STX8: variants seen among roughly 807,000 people sequenced by gnomAD.
STX8 encodes the protein syntaxin-8.
In STX8, 23 loss-of-function variants were observed where a neutral mutation model predicts 37.5. That is an observed-to-expected ratio of 0.61 (90% CI 0.44 to 0.87). The LOEUF (loss-of-function observed/expected upper bound fraction) is 0.87, where lower values mean the gene tolerates loss of function less well. STX8 is among the 40% of genes least tolerant of loss of function. The probability of loss-of-function intolerance (pLI) is 0.00; values close to 1 mark genes in which losing one functional copy is unlikely to be tolerated. For synonymous variants in STX8, 115 were observed against 99.1 expected (o/e 1.16, Z -0.95); for missense variants, 313 against 284.7 (o/e 1.10, Z -0.71).
rs542253198 is a variant in STX8, at chr17:9,489,079, G to A, written c.541+2750C>T. 1.1e-3 allele frequency among the ~76,000 whole-genome samples: 169 copies of A among 152,238 alleles called. 1 individual carries two copies. Among genetic ancestry groups the A allele is most frequent in the African/African-American group, 4.0e-3 (165 of 41,556 alleles). On this transcript the variant is annotated intron_variant, in intron 6 of 7. Transcript: ENST00000306357. The stretch of plus-strand genomic sequence containing the variant: ...TTTAGTACAGGTGGGGTTTTACCAC[G>A]TTGGCCAGGCTGGTCTCGAACTCCT...
chr17:9,484,578 G>A (rs1173870796), intron 6 of STX8, among the ~76,000 whole-genome samples: 1 of 151,622 alleles, frequency 6.6e-6, no homozygotes, highest in East Asian at 1.9e-4. Flanking sequence ...CACTTTGGAA[G>A]GCTGAGGTGG....
intron 7 of STX8, among the ~76,000 whole-genome samples, chr17:9,362,842 AAT>A (rs1567798049): frequency 7.7e-5 from 11 of 142,054 alleles, no homozygotes; most frequent in South Asian, 2.1e-4. Flanking sequence ...AAAAAAAAAA[AAT>A]AAATAAATAA....
chr17:9,495,194 C>G (rs187866412), intron 5 of STX8, among the ~76,000 whole-genome samples: 49 of 152,198 alleles, frequency 3.2e-4, no homozygotes, highest in African/African-American at 1.1e-3. Context: ...CTTTTTTTAA[C>G]TATACAAATG....
At chr17:9,361,074 C>T (rs994753435) in intron 7 of STX8, among the ~76,000 whole-genome samples, 8 of 152,028 alleles carry the variant, frequency 5.3e-5, no homozygotes, top group South Asian at 2.1e-4. Flanking sequence ...AGGAATTTAA[C>T]GCTGGTTCAA....
intron 5 of STX8, among the ~76,000 whole-genome samples, chr17:9,500,358 G>C (rs1055151927): frequency 6.6e-6 from 1 of 152,172 alleles, no homozygotes; most frequent in Non-Finnish European, 1.5e-5. Context: ...TGAGAGACGG[G>C]AAACAAATGA....
rs118157358 is a variant in STX8 at position 9,305,905 on chromosome 17, C to T, written c.644-55260G>A. Among the ~76,000 whole-genome samples the T allele has an allele frequency of 8.0e-3, 1,209 of 151,560 alleles. 7 individuals carry two copies. The highest frequency in any genetic ancestry group is 0.013 in the Non-Finnish European group (850 of 67,848). On this transcript the variant is annotated intron_variant, in intron 7 of 7. Coordinates refer to ENST00000306357, the MANE Select transcript of STX8 (RefSeq NM_004853.3). ...GATTACAGATGCGCACCACCATTCC[C>T]GGCTAATTTTTGTATTTTTAGAAGA...
intron 4 of STX8, among the ~76,000 whole-genome samples, chr17:9,535,733 C>T (rs1906021650): frequency 6.6e-6 from 1 of 152,036 alleles, no homozygotes; most frequent in Non-Finnish European, 1.5e-5. Flanking sequence ...TGCCCATCCT[C>T]CAGCCATCCT....
chr17:9,428,536 G>A (rs772916444), intron 6 of STX8, among the ~76,000 whole-genome samples: 18 of 152,166 alleles, frequency 1.2e-4, no homozygotes, highest in South Asian at 2.1e-4. Context: ...CACCCCGTCC[G>A]GCAAAGAAAT....
Position 9,376,393 on chromosome 17 carries a change from C to A in STX8, c.643+2159G>T, listed in dbSNP as rs565281614. On this transcript the variant is annotated intron_variant, in intron 7 of 7. Coordinates refer to ENST00000306357, the MANE Select transcript of STX8 (RefSeq NM_004853.3). Reference sequence around the variant, plus strand: ...TCTAGCTTAAGGTTTGTAAACGCACCAATCAGCACTCTGTAAAAATAGACC... The same window carrying A: ...TCTAGCTTAAGGTTTGTAAACGCACAAATCAGCACTCTGTAAAAATAGACC... Among the ~76,000 whole-genome samples, 3 of 152,138 alleles carry A rather than the reference C, an allele frequency of 2.0e-5. No individual in the cohort carries two copies. In the South Asian group the frequency reaches 6.2e-4, roughly 31 times the overall value.
chr17:9,457,332 C>T (rs967544813), intron 6 of STX8, among the ~76,000 whole-genome samples: 3 of 152,200 alleles, frequency 2.0e-5, no homozygotes, highest in Non-Finnish European at 4.4e-5. Context: ...GCCTTTCCAG[C>T]TTCTAGGGGC....
At chr17:9,535,649 G>C (rs954865823) in intron 4 of STX8, among the ~76,000 whole-genome samples, 2 of 151,762 alleles carry the variant, frequency 1.3e-5, no homozygotes, top group Non-Finnish European at 2.9e-5. Context: ...AGCCAGGATG[G>C]TCTCAATCTC....
At chr17:9,394,339 G>C (rs1912324758) in intron 6 of STX8, among the ~76,000 whole-genome samples, 1 of 152,002 alleles carries the variant, frequency 6.6e-6, no homozygotes, top group Admixed American at 6.6e-5. Flanking sequence ...GTCTGGACTA[G>C]TGTATTACCA....
intron 6 of STX8, among the ~76,000 whole-genome samples, chr17:9,456,499 T>C (rs1490592921): frequency 6.6e-6 from 1 of 152,196 alleles, no homozygotes; most frequent in African/African-American, 2.4e-5. Flanking sequence ...CAACATTTGC[T>C]TCAAGCCAGT....
intron 6 of STX8, among the ~76,000 whole-genome samples, chr17:9,447,261 A>AT (rs1904882190): frequency 6.6e-6 from 1 of 152,226 alleles, no homozygotes. Context: ...CCCTTTAGCT[A>AT]TTACTATGAC....
intron 6 of STX8, among the ~76,000 whole-genome samples, chr17:9,424,078 A>G (rs1597662655): frequency 6.6e-6 from 1 of 151,980 alleles, no homozygotes; most frequent in East Asian, 1.9e-4. Flanking sequence ...ACTGCCACCT[A>G]CCCCAGGCTG....
intron 4 of STX8, among the ~76,000 whole-genome samples, chr17:9,522,357 T>C (rs887957361): frequency 2.6e-5 from 4 of 151,988 alleles, no homozygotes; most frequent in Non-Finnish European, 5.9e-5. Flanking sequence ...TGCAACATGC[T>C]TAGAAACACA....
intron 6 of STX8, among the ~76,000 whole-genome samples, chr17:9,437,088 A>G (rs1378491016): frequency 6.6e-6 from 1 of 152,254 alleles, no homozygotes; most frequent in African/African-American, 2.4e-5. Context: ...ATACAATGAA[A>G]CCACGACTAT....
At chr17:9,417,404 C>T (rs571429614) in intron 6 of STX8, among the ~76,000 whole-genome samples, 5 of 152,248 alleles carry the variant, frequency 3.3e-5, no homozygotes, top group African/African-American at 9.6e-5. Flanking sequence ...TTTAAAATTA[C>T]AGATGCCCGT....
chr17:9,463,140 G>A (rs1041920457), intron 6 of STX8, among the ~76,000 whole-genome samples: 2 of 152,186 alleles, frequency 1.3e-5, no homozygotes, highest in Non-Finnish European at 2.9e-5. Context: ...TGGCCTCATG[G>A]TTTACAGCTT....
Sources: gnomAD v4.1 joint callset for allele counts (sites outside exome capture counted in the v4.1 genomes callset) on GRCh38, gnomAD v4.1.1 for gene constraint, MANE v1.5 for transcripts, NCBI Gene and HGNC (gene_info 2026-07-23, HGNC 2026-07-21) for gene names.